Variants in COL6A2 observed in about 807,000 individuals in gnomAD.
The protein encoded by COL6A2 is collagen alpha-2(VI) chain.
In COL6A2, 90 loss-of-function variants were observed where a neutral mutation model predicts 124.9. The ratio of observed to expected loss-of-function variants is 0.72; its 90% confidence interval spans 0.61 to 0.86. The LOEUF (loss-of-function observed/expected upper bound fraction) is 0.86. Ranked by LOEUF, COL6A2 falls within the 40% of genes least tolerant of loss-of-function variation. The pLI is 0.00. For synonymous variants in COL6A2, 793 were observed against 618.2 expected, an observed-to-expected ratio of 1.28 and a Z score of -4.19; for missense variants, 1,607 against 1,502.5, an observed-to-expected ratio of 1.07 and a Z score of -1.15.
chr21:46,126,435 G>C, intron 26 of COL6A2, 68 bp from the exon 27 acceptor site: 1 of 1,601,374 alleles, frequency 6.2e-7, no homozygotes, highest in Non-Finnish European at 8.6e-7. Flanking sequence ...AGGCAGATCA[G>C]TGAACGGCCG....
At chr21:46,124,349 A>C (rs2078626100) in intron 21 of COL6A2, among the ~76,000 whole-genome samples, 2 of 152,204 alleles carry the variant, frequency 1.3e-5, no homozygotes, top group South Asian at 4.1e-4. Flanking sequence ...GGTACATGAT[A>C]ATGGGGTGGA....
intron 27 of COL6A2, 24 bp from the exon 28 acceptor site, chr21:46,131,930 G>T: frequency 6.4e-7 from 1 of 1,568,658 alleles, no homozygotes. Flanking sequence ...CCTCCGCCCA[G>T]CCCGCACCTG....
intron 5 of COL6A2, 75 bp downstream of exon 5, chr21:46,114,148 C>G (rs571310657): frequency 7.6e-7 from 1 of 1,309,622 alleles, no homozygotes; most frequent in East Asian, 2.3e-5. Flanking sequence ...CACACTTGGC[C>G]GGGCGTGGTG....
At chr21:46,115,769 A>G (rs2078460526) in intron 5 of COL6A2, 103 bp from the exon 6 acceptor site, 3 of 1,026,814 alleles carry the variant, frequency 2.9e-6, no homozygotes, top group South Asian at 2.7e-5. Context: ...CAGGGGAATC[A>G]GTAACCTCTG....
intron 1 of COL6A2, among the ~76,000 whole-genome samples, chr21:46,101,488 C>T (rs189867789): frequency 4.6e-4 from 70 of 152,228 alleles, no homozygotes; most frequent in African/African-American, 1.1e-3. Context: ...TCCCATGTCA[C>T]GAAGGTGTTA....
intron 27 of COL6A2, chr21:46,129,849 C>G (rs1372490422): frequency 1.9e-6 from 2 of 1,065,322 alleles, no homozygotes; most frequent in Non-Finnish European, 2.3e-6. Context: ...CCCTCACAGG[C>G]TCCAGGGTTT....
At chr21:46,113,826 G>A (rs2078436073) in intron 4 of COL6A2, 182 bp from the exon 5 acceptor site, 1 of 673,474 alleles carries the variant, frequency 1.5e-6, no homozygotes, top group East Asian at 2.7e-5. Context: ...GTCCCTGATG[G>A]GGGCAGAGCC....
chr21:46,115,976 G>T, intron 6 of COL6A2, 33 bp from the exon 7 acceptor site: 1 of 1,612,254 alleles, frequency 6.2e-7, no homozygotes, highest in Non-Finnish European at 8.5e-7. Context: ...GCGCCCCAGG[G>T]CTGGGCTCAC....
In COL6A2 at chr21:46,101,068, G is replaced by A. The variant is rs185949398; in HGVS notation, c.-28+2895G>A. Among the ~76,000 whole-genome samples, 7 of 152,198 alleles carry A rather than the reference G, an allele frequency of 4.6e-5. No homozygotes were observed. In the East Asian group the frequency reaches 5.8e-4, roughly 13 times the overall value. The stretch of plus-strand genomic sequence containing the variant: ...TCTGCACCAACAGGTGTCATTTTCC[G>A]GGTTCGCTTGGTTTTTTTTAAATGT... On this transcript the variant is annotated intron_variant, in intron 1 of 27. Coordinates refer to ENST00000300527, the MANE Select transcript of COL6A2 (RefSeq NM_001849.4).
intron 13 of COL6A2, 36 bp from the exon 14 acceptor site, chr21:46,118,994 G>A (rs771184517): frequency 6.7e-7 from 1 of 1,500,288 alleles, no homozygotes; most frequent in Non-Finnish European, 9.3e-7. Context: ...CAGGGCCCCT[G>A]CCTCTGGGTG....
At position 46,132,261 on chromosome 21, in the gene COL6A2, C is replaced by G. The variant is rs140419176; in HGVS notation, c.2769C>G (p.His923Gln). ...SFSHVGAGVV[H>Q]AINAIVRSPR... Reference sequence around the variant, plus strand: ...CGCACGTGGGCGCAGGCGTGGTGCACGCCATCAATGCCATCGTGCGCAGCC... The same window carrying G: ...CGCACGTGGGCGCAGGCGTGGTGCAGGCCATCAATGCCATCGTGCGCAGCC... The change falls in exon 28 of 28, where the codon CAC becomes CAG. Residue 923 changes from histidine to glutamine, a missense_variant. Coordinates refer to ENST00000300527, the MANE Select transcript of COL6A2 (RefSeq NM_001849.4). The G allele has an allele frequency of 5.0e-6, 8 of 1,606,210 alleles. No individual in the cohort carries two copies. The highest frequency in any genetic ancestry group is 5.9e-6 in the Non-Finnish European group (7 of 1,178,432).
rs755534310 is a variant in COL6A2, at chr21:46,125,756, G to A, written c.1970-29G>A. On this transcript the variant is annotated intron_variant, in intron 25 of 27. Coordinates refer to ENST00000300527, the MANE Select transcript of COL6A2 (RefSeq NM_001849.4). ...GGATGCCCCAGACCCCGAGGCCTCT[G>A]GCAACGACCTCACGCGTGCGGCTTG... 3.7e-6 allele frequency: 6 copies of A among 1,608,030 alleles called. No homozygotes were observed. In the Admixed American group the frequency reaches 5.0e-5, roughly 13 times the overall value.
Position 46,125,825 on chromosome 21 carries a change from C to G in COL6A2, c.2010C>G (p.Thr670=). 6.2e-7 allele frequency: 1 copy of G among 1,612,762 alleles called. No individual in the cohort carries two copies. The highest frequency in any genetic ancestry group is 8.5e-7 in the Non-Finnish European group (1 of 1,179,924). The change falls in exon 26 of 28, where the codon ACC becomes ACG. Residue 670 remains threonine, a synonymous_variant. Transcript: ENST00000300527. ...VGVVQYSHEG[T]FEAIQLDDER... is the part of the protein sequence containing the mutation. Reference sequence around the variant, plus strand: ...TGGTGCAGTACAGCCACGAGGGCACCTTTGAGGCCATCCAGCTGGACGACG... The same window carrying G: ...TGGTGCAGTACAGCCACGAGGGCACGTTTGAGGCCATCCAGCTGGACGACG...
At chr21:46,123,255 C>T (rs2078596043) in intron 21 of COL6A2, among the ~76,000 whole-genome samples, 1 of 128,610 alleles carries the variant, frequency 7.8e-6, no homozygotes, top group Non-Finnish European at 1.5e-5. Flanking sequence ...GCATCCCCCA[C>T]CAGGGTCCCC....
chr21:46,122,144 C>G lies in COL6A2; in HGVS notation c.1558C>G (p.Pro520Ala). 2 of 1,612,712 alleles carry G rather than the reference C, an allele frequency of 1.2e-6. No homozygotes were observed. The highest frequency in any genetic ancestry group is 1.7e-6 in the Non-Finnish European group (2 of 1,179,974). The change falls in exon 19 of 28, where the codon CCC becomes GCC. Residue 520 changes from proline to alanine, a missense_variant. Physicochemically the swap from Pro to Ala is conservative, Grantham distance 27 (BLOSUM62 -1). Coordinates refer to ENST00000300527, the MANE Select transcript of COL6A2 (RefSeq NM_001849.4). ...CAGGCCTGGATTCAGCTACCCAGGA[C>G]CCCGAGGAGCACCCGTGAGTCACAG... Reference protein sequence around the residue: ...PGRPGFSYPGPRGAPGEKGEP... With the variant: ...PGRPGFSYPGARGAPGEKGEP...
chr21:46,111,029 C>G (rs891030712), intron 1 of COL6A2, among the ~76,000 whole-genome samples: 1 of 152,160 alleles, frequency 6.6e-6, no homozygotes, highest in Non-Finnish European at 1.5e-5. Flanking sequence ...GCAGGGGAGC[C>G]GGTCTGGGGA....
chr21:46,119,046 G>A lies in COL6A2; in HGVS notation c.1196G>A (p.Ser399Asn), dbSNP rs2839110. 0.8 allele frequency: 1,292,579 copies of A among 1,611,660 alleles called. 524,735 individuals are homozygous for A. Among genetic ancestry groups the A allele is most frequent in the East Asian group, 0.91 (40,654 of 44,830 alleles). Reference protein sequence around the residue: ...AKGSKGYQGNSGAPGSPGVKG... With the variant: ...AKGSKGYQGNNGAPGSPGVKG... ...CTTCTTCAGGGGTATCAAGGCAACA[G>A]TGGAGCCCCAGGAAGTCCTGGTGTG... Residue 399 changes from serine (S) to asparagine (N), a missense_variant, in exon 14 of 28, where the codon AGT becomes AAT. Ser to Asn is a conservative substitution (Grantham distance 46, BLOSUM62 1). Coordinates refer to ENST00000300527, the MANE Select transcript of COL6A2 (RefSeq NM_001849.4).
chr21:46,122,037 C>T, intron 18 of COL6A2, 71 bp from the exon 19 acceptor site: 1 of 1,522,700 alleles, frequency 6.6e-7, no homozygotes, highest in Non-Finnish European at 9.1e-7. Context: ...CACCTTGCGC[C>T]CTGTTGAGCA....
chr21:46,126,588 C>T (rs1477017948), intron 27 of COL6A2, 47 bp downstream of exon 27: 8 of 1,610,952 alleles, frequency 5.0e-6, no homozygotes, highest in Non-Finnish European at 6.8e-6. Flanking sequence ...GCAAAGCAGC[C>T]CTGGTGTCCT....
Sources: gnomAD v4.1 joint callset for allele counts (sites outside exome capture counted in the v4.1 genomes callset) on GRCh38, gnomAD v4.1.1 for gene constraint, MANE v1.5 for transcripts, NCBI Gene and HGNC (gene_info 2026-07-23, HGNC 2026-07-21) for gene names.